The following CCSER1 variants were observed in gnomAD, a reference collection of about 807,000 sequenced individuals.
CCSER1 encodes the protein serine-rich coiled-coil domain-containing protein 1.
Under a neutral mutation model 82.0 loss-of-function variants are expected in CCSER1, and 41 were observed. That is an observed-to-expected ratio of 0.50 (90% CI 0.39 to 0.65). The LOEUF (loss-of-function observed/expected upper bound fraction) is 0.65. CCSER1 is among the 30% of genes least tolerant of loss of function. CCSER1 has a pLI of 0.00. For synonymous variants in CCSER1, 414 were observed against 383.9 expected, an observed-to-expected ratio of 1.08 and a Z score of -0.92; for missense variants, 1,119 against 1,064.2, an observed-to-expected ratio of 1.05 and a Z score of -0.72.
At chr4:90,901,285 T>G (rs1724617320) in intron 8 of CCSER1, among the ~76,000 whole-genome samples, 1 of 152,004 alleles carries the variant, frequency 6.6e-6, no homozygotes, top group African/African-American at 2.4e-5. Flanking sequence ...TTTAGGCTGT[T>G]TACCTTCAAG....
chr4:90,297,881 C>T (rs1458629822), intron 1 of CCSER1, among the ~76,000 whole-genome samples: 9 of 152,008 alleles, frequency 5.9e-5, no homozygotes, highest in Non-Finnish European at 8.8e-5. Flanking sequence ...TGATGTGCTG[C>T]TGGATTCGGT....
intron 3 of CCSER1, among the ~76,000 whole-genome samples, chr4:90,326,016 A>G (rs1738112384): frequency 6.6e-6 from 1 of 151,590 alleles, no homozygotes; most frequent in Admixed American, 6.6e-5. Flanking sequence ...TTTACAAGTG[A>G]ATCTGCATAT....
chr4:91,113,911 G>A lies in CCSER1; in HGVS notation c.2217+27917G>A, dbSNP rs144181313. ...TCTGTCGCTCAGGCTGGAGTGCAGT[G>A]GCGCGATCTCGGCTCACTGCAAGCT... is the stretch of plus-strand genomic sequence containing the variant. On this transcript the variant is annotated intron_variant, in intron 10 of 10. Coordinates refer to ENST00000509176, the MANE Select transcript of CCSER1 (RefSeq NM_001145065.2). 2.1e-3 allele frequency among the ~76,000 whole-genome samples: 314 copies of A among 151,096 alleles called. 2 individuals carry two copies. The highest frequency in any genetic ancestry group is 7.0e-3 in the African/African-American group (288 of 41,086).
intron 1 of CCSER1, among the ~76,000 whole-genome samples, chr4:90,294,174 A>T (rs1256428793): frequency 6.6e-6 from 1 of 152,076 alleles, no homozygotes; most frequent in East Asian, 1.9e-4. Context: ...TTGGATTGAA[A>T]ATCTATATAA....
rs1734785681 is a variant in CCSER1 at position 90,308,778 on chromosome 4, C to G, written c.494C>G (p.Thr165Arg). 1 of 1,613,682 alleles carries G rather than the reference C, an allele frequency of 6.2e-7. No individual in the cohort carries two copies. The highest frequency in any genetic ancestry group is 8.5e-7 in the Non-Finnish European group (1 of 1,179,862). ...GKSEGDDSGFTEDQTRRSVKQ... is the reference protein window; with the variant it reads ...GKSEGDDSGFREDQTRRSVKQ... ...AGTGAAGGGGATGATTCTGGTTTCA[C>G]AGAAGACCAAACTCGTCGTTCTGTT... Residue 165 changes from threonine to arginine, a missense_variant, in exon 2 of 11, where the codon ACA becomes AGA. Physicochemically the swap from Thr to Arg is moderately conservative, Grantham distance 71. Transcript: ENST00000509176.
intron 6 of CCSER1, among the ~76,000 whole-genome samples, chr4:90,700,938 G>A (rs1001660114): frequency 3.3e-5 from 5 of 152,194 alleles, no homozygotes; most frequent in Admixed American, 1.3e-4. Context: ...TAGGTTGCCT[G>A]TTCACTCTGA....
intron 3 of CCSER1, among the ~76,000 whole-genome samples, chr4:90,394,547 TAAAC>T (rs745817067): frequency 4.6e-4 from 70 of 152,194 alleles, no homozygotes; most frequent in Non-Finnish European, 9.4e-4. Flanking sequence ...TCCTTACAGT[TAAAC>T]AAACTCTTCT....
chr4:90,557,147 T>C (rs918847781), intron 5 of CCSER1, among the ~76,000 whole-genome samples: 1 of 151,994 alleles, frequency 6.6e-6, no homozygotes, highest in Non-Finnish European at 1.5e-5. Flanking sequence ...AGAGATATAC[T>C]AAAAGTTTTA....
At chr4:90,313,093 T>C (rs1735590847) in intron 3 of CCSER1, 46 bp downstream of exon 3, 6 of 1,413,500 alleles carry the variant, frequency 4.2e-6, no homozygotes, top group South Asian at 3.7e-5. Flanking sequence ...ATGCTGTCTA[T>C]ATCCGACATG....
At chr4:90,524,825 C>T (rs1773555244) in intron 5 of CCSER1, among the ~76,000 whole-genome samples, 2 of 152,046 alleles carry the variant, frequency 1.3e-5, no homozygotes, top group African/African-American at 4.8e-5. Flanking sequence ...TCCTCGCATG[C>T]TCTTGTTGTT....
chr4:91,266,232 TG>T (rs1390559942), intron 10 of CCSER1, among the ~76,000 whole-genome samples: 12 of 151,814 alleles, frequency 7.9e-5, no homozygotes, highest in African/African-American at 2.7e-4. Context: ...TTAAGCTGGT[TG>T]TTTTTTTTGT....
Position 91,599,347 on chromosome 4 carries a change from ATTTT to A in CCSER1, c.*293_*296del, listed in dbSNP as rs927621889. 3 of 244,312 alleles carry A rather than the reference ATTTT, an allele frequency of 1.2e-5. No individual in the cohort carries two copies. Among genetic ancestry groups the A allele is most frequent in the Admixed American group, 5.0e-5 (1 of 20,094 alleles). 15.1% of individuals were successfully genotyped at this position (244,312 alleles called of 1,614,324 possible). ...CGTTTATATAGTCCATAATTTATTT[ATTTT>A]TTATCTCTATCACTTACTGATATGC... is the stretch of plus-strand genomic sequence containing the variant. On this transcript the variant is annotated 3_prime_UTR_variant, in exon 11 of 11. Transcript: ENST00000509176.
intron 3 of CCSER1, among the ~76,000 whole-genome samples, chr4:90,318,877 T>C (rs1168372213): frequency 1.3e-5 from 2 of 152,224 alleles, no homozygotes; most frequent in South Asian, 2.1e-4. Context: ...TGCTTGAGGA[T>C]TTTTGAGTTC....
intron 5 of CCSER1, among the ~76,000 whole-genome samples, chr4:90,609,209 G>A (rs17017274): frequency 0.033 from 5,075 of 151,860 alleles, 168 homozygotes; most frequent in African/African-American, 0.085. Flanking sequence ...TAAAAATGTT[G>A]TGAATAGAAA....
At chr4:90,349,097 T>C (rs1319069367) in intron 3 of CCSER1, among the ~76,000 whole-genome samples, 1 of 152,170 alleles carries the variant, frequency 6.6e-6, no homozygotes, top group African/African-American at 2.4e-5. Context: ...GGATTCTGTT[T>C]TATTTGCCTA....
At position 91,022,208 on chromosome 4, in the gene CCSER1, T is replaced by G. The variant is rs535099631; in HGVS notation, c.2173-63742T>G. 7.1e-3 allele frequency among the ~76,000 whole-genome samples: 1,018 copies of G among 143,756 alleles called. 10 individuals are homozygous for G. The highest frequency in any genetic ancestry group is 0.025 in the African/African-American group (976 of 39,266). The allele number at this position is 143,756 out of a possible 152,430, so 94.3% of individuals were successfully genotyped here. ...GATGTTCCCCTTCCTGTGTCCATGT[T>G]TTCTCATTGTTCAATTCCCACCTAT... On this transcript the variant is annotated intron_variant, in intron 9 of 10. Coordinates refer to ENST00000509176, the MANE Select transcript of CCSER1 (RefSeq NM_001145065.2).
Position 91,254,006 on chromosome 4 carries a change from T to A in CCSER1, c.2217+168012T>A, listed in dbSNP as rs149807496. Among the ~76,000 whole-genome samples, 31 of 152,218 alleles carry A rather than the reference T, an allele frequency of 2.0e-4. No individual in the cohort carries two copies. In the East Asian group the frequency reaches 5.8e-3, roughly 29 times the overall value. On this transcript the variant is annotated intron_variant, in intron 10 of 10. Coordinates refer to ENST00000509176, the MANE Select transcript of CCSER1 (RefSeq NM_001145065.2). Reference sequence around the variant, plus strand: ...CTCCCACCAGGCCCCACCTCCAACATTGGGGATTGCAATTCAACATGAGAT... The same window carrying A: ...CTCCCACCAGGCCCCACCTCCAACAATGGGGATTGCAATTCAACATGAGAT...
intron 10 of CCSER1, among the ~76,000 whole-genome samples, chr4:91,179,178 G>T (rs188221403): frequency 4.1e-4 from 63 of 152,292 alleles, no homozygotes; most frequent in African/African-American, 1.4e-3. Flanking sequence ...TACACTGTTG[G>T]TCTGATTGGC....
chr4:91,432,005 G>T (rs1754355253), intron 10 of CCSER1, among the ~76,000 whole-genome samples: 1 of 151,646 alleles, frequency 6.6e-6, no homozygotes, highest in African/African-American at 2.4e-5. Context: ...TCGAGGGAGG[G>T]ACCTGGTGGG....
Sources: allele counts gnomAD v4.1 joint callset (sites outside exome capture counted in the v4.1 genomes callset), GRCh38; gene constraint gnomAD v4.1.1; transcripts MANE v1.5; gene names NCBI Gene and HGNC (gene_info 2026-07-23, HGNC 2026-07-21).